The following CNTN5 variants were observed in gnomAD, a reference collection of about 807,000 sequenced individuals.
The protein encoded by CNTN5 is contactin 5, also known as contactin-5.
CNTN5 carries 77 observed loss-of-function variants against 129.1 expected under a neutral mutation model. That is an observed-to-expected ratio of 0.60 (90% confidence interval 0.50 to 0.72). CNTN5 has a LOEUF of 0.72. CNTN5 is among the 30% of genes least tolerant of loss of function. The pLI is 0.00. For missense variants in CNTN5, 1,478 were observed against 1,328.8 expected (o/e 1.11, Z -1.75); for synonymous variants, 509 against 465.6 (o/e 1.09, Z -1.20).
chr11:99,146,300 T>C (rs1419443987), intron 1 of CNTN5, among the ~76,000 whole-genome samples: 1 of 152,128 alleles, frequency 6.6e-6, no homozygotes, highest in Non-Finnish European at 1.5e-5. Flanking sequence ...ATATAATTCG[T>C]TTATCCATTT....
intron 6 of CNTN5, among the ~76,000 whole-genome samples, chr11:99,878,426 A>G (rs1203059903): frequency 6.6e-6 from 1 of 152,216 alleles, no homozygotes; most frequent in African/African-American, 2.4e-5. Flanking sequence ...ATTTTTTCAA[A>G]TTCTGAACAA....
At chr11:99,836,058 A>G (rs951137957) in intron 4 of CNTN5, among the ~76,000 whole-genome samples, 1 of 151,720 alleles carries the variant, frequency 6.6e-6, no homozygotes, top group Non-Finnish European at 1.5e-5. Flanking sequence ...GCTGCTGGTT[A>G]CCCATTTTAA....
chr11:99,456,388 G>C (rs1416878129), intron 2 of CNTN5, among the ~76,000 whole-genome samples: 1 of 152,036 alleles, frequency 6.6e-6, no homozygotes, highest in Non-Finnish European at 1.5e-5. Flanking sequence ...ATCATTTCTG[G>C]AGTATGAATG....
intron 18 of CNTN5, among the ~76,000 whole-genome samples, chr11:100,274,159 G>T (rs547518530): frequency 2.0e-5 from 3 of 152,246 alleles, no homozygotes; most frequent in African/African-American, 7.2e-5. Flanking sequence ...TGAGATAACT[G>T]GCTAGCCATA....
intron 2 of CNTN5, among the ~76,000 whole-genome samples, chr11:99,369,901 A>G (rs1299000657): frequency 6.6e-6 from 1 of 152,168 alleles, no homozygotes; most frequent in African/African-American, 2.4e-5. Flanking sequence ...AAATTACACC[A>G]GTGAGCTATG....
intron 2 of CNTN5, among the ~76,000 whole-genome samples, chr11:99,403,298 CTTGT>C (rs1941916207): frequency 6.6e-6 from 1 of 152,102 alleles, no homozygotes; most frequent in African/African-American, 2.4e-5. Flanking sequence ...CCACGCCTGG[CTTGT>C]TTAACTTTCG....
At chr11:99,212,420 A>G (rs193205067) in intron 1 of CNTN5, among the ~76,000 whole-genome samples, 2 of 152,136 alleles carry the variant, frequency 1.3e-5, no homozygotes, top group Admixed American at 6.6e-5. Context: ...TCTTTTGACT[A>G]TTTCCACTAT....
Position 100,026,796 on chromosome 11 carries a change from T to G in CNTN5, c.980+24660T>G, listed in dbSNP as rs189757378. 4.6e-5 allele frequency among the ~76,000 whole-genome samples: 7 copies of G among 152,294 alleles called. No homozygotes were observed. The East Asian group carries it at 1.4e-3, about 29-fold the overall frequency. On this transcript the variant is annotated intron_variant, in intron 9 of 24. Coordinates refer to ENST00000524871, the MANE Select transcript of CNTN5 (RefSeq NM_014361.4). ...GATAGTAGTCTTTTATCAGATGTCT[T>G]TGCAAATATTTTCACTTAGTTTGTG...
intron 13 of CNTN5, among the ~76,000 whole-genome samples, chr11:100,089,532 T>C (rs1944674612): frequency 6.6e-6 from 1 of 152,122 alleles, no homozygotes. Flanking sequence ...AAAAATACCA[T>C]TTGACCTAGC....
Position 100,256,568 on chromosome 11 carries a change from G to T in CNTN5, c.2164+650G>T, listed in dbSNP as rs76836295. On this transcript the variant is annotated intron_variant, in intron 17 of 24. Coordinates refer to ENST00000524871, the MANE Select transcript of CNTN5 (RefSeq NM_014361.4). ...GTTCCCAATGAGATCAACGCAGAAG[G>T]TGGGTGATTTCTGCATTTCCAATTG... 7.2e-3 allele frequency among the ~76,000 whole-genome samples: 1,095 copies of T among 152,246 alleles called. 19 individuals are homozygous for T. The highest frequency in any genetic ancestry group is 0.038 in the East Asian group (194 of 5,142).
At chr11:99,690,935 G>T (rs921100729) in intron 3 of CNTN5, among the ~76,000 whole-genome samples, 1 of 151,936 alleles carries the variant, frequency 6.6e-6, no homozygotes, top group African/African-American at 2.4e-5. Context: ...CTTAATTTCA[G>T]AACTCATTTT....
rs1565674134 is a variant in CNTN5, at chr11:99,916,254, A to G, written c.673+105A>G. On this transcript the variant is annotated intron_variant, in intron 7 of 24. Transcript: ENST00000524871. Reference sequence around the variant, plus strand: ...GGAGAACATTTCAGGTGAAATGTGCATGGTTTTCTTGACATCTATCAGAGT... The same window carrying G: ...GGAGAACATTTCAGGTGAAATGTGCGTGGTTTTCTTGACATCTATCAGAGT... The G allele has an allele frequency of 1.1e-5, 9 of 825,636 alleles. No homozygotes were observed. In the East Asian group the frequency reaches 1.9e-4, roughly 17 times the overall value. The allele number at this position is 825,636 out of a possible 1,614,324, so 51.1% of individuals were successfully genotyped here.
At chr11:99,834,399 G>T (rs927951438) in intron 4 of CNTN5, among the ~76,000 whole-genome samples, 1 of 152,116 alleles carries the variant, frequency 6.6e-6, no homozygotes, top group Non-Finnish European at 1.5e-5. Flanking sequence ...AGTGGCTTAT[G>T]CCTGTAATTG....
intron 3 of CNTN5, among the ~76,000 whole-genome samples, chr11:99,657,222 G>A (rs927519540): frequency 2.0e-5 from 3 of 152,036 alleles, no homozygotes; most frequent in South Asian, 2.1e-4. Context: ...ACTGGAGCTC[G>A]GCATGTTAAA....
chr11:100,048,613 A>T (rs909975882), intron 9 of CNTN5, among the ~76,000 whole-genome samples: 16 of 152,066 alleles, frequency 1.1e-4, no homozygotes, highest in African/African-American at 3.6e-4. Context: ...TAGACACTGC[A>T]GAAGAAAAGA....
intron 9 of CNTN5, among the ~76,000 whole-genome samples, chr11:100,028,352 C>G (rs1941534471): frequency 6.6e-6 from 1 of 152,088 alleles, no homozygotes; most frequent in Non-Finnish European, 1.5e-5. Flanking sequence ...TCTATGACAC[C>G]AAATAAATTA....
chr11:100,297,674 T>TTAGTTAGTTAGTTAGAAG lies in CNTN5; in HGVS notation c.2364_2365insTAGTTAGTTAGTTAGAAG (p.His788_Glu789insTer). 4 of 1,603,842 alleles carry TTAGTTAGTTAGTTAGAAG rather than the reference T, an allele frequency of 2.5e-6. No individual in the cohort carries two copies. Among genetic ancestry groups the TTAGTTAGTTAGTTAGAAG allele is most frequent in the Non-Finnish European group, 3.4e-6 (4 of 1,174,040 alleles). Reference sequence around the variant, plus strand: ...TAAGCGGAAGAAGTGGAAGAAGGCATGAGTTAGTCATTGCCTGGGAGGTAA... The same window carrying TTAGTTAGTTAGTTAGAAG: ...TAAGCGGAAGAAGTGGAAGAAGGCATTAGTTAGTTAGTTAGAAGGAGTTAGTCATTGCCTGGGAGGTAA... On this transcript the variant is annotated stop_gained and inframe_insertion, in exon 19 of 25. Coordinates refer to ENST00000524871, the MANE Select transcript of CNTN5 (RefSeq NM_014361.4). LOFTEE classifies it high-confidence loss of function.
intron 3 of CNTN5, among the ~76,000 whole-genome samples, chr11:99,593,851 A>T (rs994530592): frequency 5.9e-5 from 9 of 152,308 alleles, no homozygotes; most frequent in African/African-American, 2.2e-4. Flanking sequence ...TGTTTTCCAG[A>T]ATCTCTTTCT....
chr11:99,244,101 G>A (rs867085684), intron 1 of CNTN5, among the ~76,000 whole-genome samples: 2 of 152,080 alleles, frequency 1.3e-5, no homozygotes, highest in African/African-American at 2.4e-5. Flanking sequence ...CATGAACATA[G>A]AATGTTTTTT....
Sources: gnomAD v4.1 joint callset for allele counts (sites outside exome capture counted in the v4.1 genomes callset) on GRCh38, gnomAD v4.1.1 for gene constraint, MANE v1.5 for transcripts, NCBI Gene and HGNC (gene_info 2026-07-23, HGNC 2026-07-21) for gene names.